Variants in DGKI observed in about 807,000 individuals in gnomAD.
DGKI encodes the protein DAG kinase iota.
DGKI carries 55 observed loss-of-function variants against 147.5 expected under a neutral mutation model. That is an observed-to-expected ratio of 0.37 (90% CI 0.30 to 0.47). The LOEUF is 0.47. Among genes scored for constraint, DGKI ranks in the 20% least tolerant of loss-of-function variants. The pLI is 1.00. For missense variants in DGKI, 1,007 were observed against 1,323.8 expected, an observed-to-expected ratio of 0.76 and a Z score of 3.71; for synonymous variants, 469 against 477.1, an observed-to-expected ratio of 0.98 and a Z score of 0.22.
chr7:137,825,581 C>T (rs1009833941), intron 1 of DGKI, among the ~76,000 whole-genome samples: 2 of 151,966 alleles, frequency 1.3e-5, no homozygotes, highest in African/African-American at 4.8e-5. Flanking sequence ...ATGAAAAACG[C>T]CCATTTACAC....
In DGKI at chr7:137,577,104, A is replaced by G. The variant is rs143955289; in HGVS notation, c.1761+118T>C. ...AGTGTAGGTTGAATGAACTACACAA[A>G]ATGATCTCCAAAGTTCTATGCAGTC... On this transcript the variant is annotated intron_variant, in intron 17 of 32. Coordinates refer to ENST00000614521, the MANE Select transcript of DGKI (RefSeq NM_001321708.2). 2.1e-4 allele frequency: 155 copies of G among 745,906 alleles called. No individual in the cohort carries two copies. In the East Asian group the frequency reaches 3.8e-3, roughly 18 times the overall value. The allele number at this position is 745,906 out of a possible 1,614,324, so 46.2% of individuals were successfully genotyped here. A position where few individuals can be genotyped will look rare whatever the true frequency, so the allele number is the denominator to read the frequency against.
intron 1 of DGKI, among the ~76,000 whole-genome samples, chr7:137,746,228 G>A (rs528825570): frequency 5.3e-4 from 81 of 152,256 alleles, no homozygotes; most frequent in African/African-American, 1.8e-3. Context: ...GAGAGACTGT[G>A]CTTAAGTTGT....
At chr7:137,753,507 A>G (rs954811821) in intron 1 of DGKI, among the ~76,000 whole-genome samples, 1 of 152,204 alleles carries the variant, frequency 6.6e-6, no homozygotes, top group African/African-American at 2.4e-5. Flanking sequence ...GTAGTTTAGT[A>G]CCTCATTGCC....
chr7:137,762,630 C>T (rs1284384120), intron 1 of DGKI, among the ~76,000 whole-genome samples: 4 of 152,198 alleles, frequency 2.6e-5, no homozygotes, highest in African/African-American at 9.6e-5. Context: ...ACAGCTAACT[C>T]CTTTTTTTCA....
Position 137,469,296 on chromosome 7 carries a change from A to G in DGKI, c.2443+254T>C, listed in dbSNP as rs117049304. On this transcript the variant is annotated intron_variant, in intron 24 of 32. Coordinates refer to ENST00000614521, the MANE Select transcript of DGKI (RefSeq NM_001321708.2). ...TTAAGAAAAGAGGGCTGATGAAAGA[A>G]AAACATCGGCCTGAGCAACTTGATG... is the stretch of plus-strand genomic sequence containing the variant. Among the ~76,000 whole-genome samples the G allele has an allele frequency of 5.6e-3, 847 of 152,352 alleles. 5 individuals are homozygous for G. Among genetic ancestry groups the G allele is most frequent in the South Asian group, 9.1e-3 (44 of 4,832 alleles).
chr7:137,692,771 C>T (rs1169519634), intron 1 of DGKI, among the ~76,000 whole-genome samples: 2 of 152,060 alleles, frequency 1.3e-5, no homozygotes, highest in Non-Finnish European at 2.9e-5. Context: ...GGAATAGAAA[C>T]AAGTAAGGCC....
intron 20 of DGKI, chr7:137,545,981 G>T: frequency 1.4e-6 from 1 of 701,712 alleles, no homozygotes; most frequent in South Asian, 1.5e-5. Context: ...AGCAGGGAAT[G>T]AGCAGCGAAG....
chr7:137,624,030 T>G (rs955441142), intron 6 of DGKI, among the ~76,000 whole-genome samples: 2 of 151,822 alleles, frequency 1.3e-5, no homozygotes, highest in African/African-American at 4.8e-5. Flanking sequence ...CTGGGAGAAG[T>G]CCAACGGTGT....
intron 6 of DGKI, among the ~76,000 whole-genome samples, chr7:137,626,588 C>T (rs114318586): frequency 0.01 from 1,531 of 152,274 alleles, 22 homozygotes; most frequent in African/African-American, 0.035. Context: ...GAAATGACTT[C>T]ACATTGCAGC....
chr7:137,595,443 C>T (rs1224321593), intron 12 of DGKI, among the ~76,000 whole-genome samples: 3 of 152,176 alleles, frequency 2.0e-5, no homozygotes, highest in East Asian at 1.9e-4. Context: ...TAACTACTGC[C>T]TCTTTCTTGA....
At chr7:137,422,798 T>G (rs4732256) in intron 28 of DGKI, among the ~76,000 whole-genome samples, 61,601 of 151,288 alleles carry the variant, frequency 0.41, 13,074 homozygotes, top group East Asian at 0.74. Flanking sequence ...TAGAGACGGG[T>G]TTTAACCATG....
chr7:137,626,428 C>T (rs1820944210), intron 6 of DGKI, among the ~76,000 whole-genome samples: 3 of 152,184 alleles, frequency 2.0e-5, no homozygotes, highest in Admixed American at 1.3e-4. Flanking sequence ...ACAACCCCCA[C>T]AGTCCCCAAC....
At chr7:137,420,275 C>G (rs1486366289) in intron 28 of DGKI, among the ~76,000 whole-genome samples, 1 of 152,170 alleles carries the variant, frequency 6.6e-6, no homozygotes, top group Non-Finnish European at 1.5e-5. Context: ...CTGCTGAAGT[C>G]CACGTTTGCG....
At chr7:137,579,323 G>T (rs1388652734) in intron 15 of DGKI, among the ~76,000 whole-genome samples, 2 of 151,298 alleles carry the variant, frequency 1.3e-5, no homozygotes, top group Admixed American at 6.6e-5. Flanking sequence ...AAGTAAGCTT[G>T]CCACAATTAA....
At chr7:137,442,756 T>C (rs898164699) in intron 28 of DGKI, among the ~76,000 whole-genome samples, 17 of 152,216 alleles carry the variant, frequency 1.1e-4, no homozygotes, top group African/African-American at 4.1e-4. Context: ...AGCCTAAAAC[T>C]CCTTCTCCCT....
chr7:137,462,225 C>T lies in DGKI; in HGVS notation c.2735+1264G>A, dbSNP rs115825711. ...TTAAAACACTAATTTTCCAATAAGTCTGCCAACAGATAAATGGCCACTTTT... is the reference window on the plus strand; with the variant it reads ...TTAAAACACTAATTTTCCAATAAGTTTGCCAACAGATAAATGGCCACTTTT... On this transcript the variant is annotated intron_variant, in intron 27 of 32. Transcript: ENST00000614521. Among the ~76,000 whole-genome samples the T allele has an allele frequency of 5.7e-3, 872 of 152,250 alleles. 12 individuals carry two copies. Among genetic ancestry groups the T allele is most frequent in the African/African-American group, 0.02 (831 of 41,532 alleles).
chr7:137,723,482 A>C (rs1794626126), intron 1 of DGKI, among the ~76,000 whole-genome samples: 1 of 152,166 alleles, frequency 6.6e-6, no homozygotes, highest in Admixed American at 6.5e-5. Context: ...TATGGAGCTA[A>C]TAGTTACGCC....
At chr7:137,429,509 T>C (rs1306357409) in intron 28 of DGKI, among the ~76,000 whole-genome samples, 2 of 149,676 alleles carry the variant, frequency 1.3e-5, no homozygotes, top group African/African-American at 2.4e-5. Flanking sequence ...ACTTCATGTC[T>C]AAAACACCAA....
intron 6 of DGKI, among the ~76,000 whole-genome samples, chr7:137,627,504 C>T (rs985038277): frequency 3.3e-5 from 5 of 152,172 alleles, no homozygotes; most frequent in African/African-American, 7.2e-5. Context: ...CATTATAAGC[C>T]TTACCCAAGC....
Sources: gnomAD v4.1 joint callset for allele counts (sites outside exome capture counted in the v4.1 genomes callset) on GRCh38, gnomAD v4.1.1 for gene constraint, MANE v1.5 for transcripts, NCBI Gene and HGNC (gene_info 2026-07-23, HGNC 2026-07-21) for gene names.